NLGN3: variants seen among roughly 807,000 people sequenced by gnomAD.
The protein encoded by NLGN3 is neuroligin-3.
In NLGN3, 11 loss-of-function variants were observed where a neutral mutation model predicts 42.9. The ratio of observed to expected loss-of-function variants is 0.26; its 90% CI spans 0.16 to 0.42. NLGN3 has a LOEUF of 0.42. NLGN3 is among the 10% of genes least tolerant of loss of function. The pLI is 1.00. For synonymous variants in NLGN3, 279 were observed against 312.7 expected (o/e 0.89, Z 1.14); for missense variants, 374 against 733.8 (o/e 0.51, Z 5.67).
chrX:71,171,664 GA>G, downstream of NLGN3: 6 of 749,659 alleles, frequency 8.0e-6, no homozygotes, highest in Non-Finnish European at 7.8e-6. Context: ...TGCAGCGTCA[GA>G]CGTGGACTCC....
intron 5 of NLGN3, among the ~76,000 whole-genome samples, chrX:71,159,468 C>G (rs2092421936): frequency 8.9e-6 from 1 of 112,207 alleles, no homozygotes; most frequent in South Asian, 3.7e-4. Flanking sequence ...AACAGCACAT[C>G]TAGGGGGCAG....
downstream of NLGN3, among the ~76,000 whole-genome samples, chrX:71,171,409 C>A (rs181298646): frequency 6.4e-4 from 70 of 109,771 alleles, 2 homozygotes; most frequent in East Asian, 0.019. Flanking sequence ...AATCAGGTTG[C>A]TCTTCCCATC....
chrX:71,145,369 A>G (rs1160709990), intron 1 of NLGN3, among the ~76,000 whole-genome samples: 1 of 69,397 alleles, frequency 1.4e-5, no homozygotes. Flanking sequence ...CCCCCACCCA[A>G]TGGAGGCCTT....
chrX:71,162,113 G>C (rs1288360485), intron 5 of NLGN3, among the ~76,000 whole-genome samples: 1 of 109,416 alleles, frequency 9.1e-6, no homozygotes, highest in Non-Finnish European at 1.9e-5. Flanking sequence ...GGGGTTTTGA[G>C]GGATTTTTTT....
At chrX:71,146,648 C>A (rs982702581) in intron 1 of NLGN3, among the ~76,000 whole-genome samples, 2 of 111,215 alleles carry the variant, frequency 1.8e-5, no homozygotes, top group African/African-American at 6.6e-5. Context: ...GAATGTGGGA[C>A]TATATGAGGG....
At chrX:71,166,055 CTTTT>C (rs1008035212) in intron 6 of NLGN3, among the ~76,000 whole-genome samples, 1 of 105,738 alleles carries the variant, frequency 9.5e-6, no homozygotes, top group Admixed American at 1.0e-4. Context: ...GAATGATATC[CTTTT>C]TTTTTTTCTA....
chrX:71,169,562 G>A lies in NLGN3; in HGVS notation c.2012G>A (p.Arg671Gln), dbSNP rs756184008. 8 of 1,210,163 alleles carry A rather than the reference G, an allele frequency of 6.6e-6. No individual in the cohort carries two copies. Among genetic ancestry groups the A allele is most frequent in the Admixed American group, 2.2e-5 (1 of 45,911 alleles). The change falls in exon 8 of 8, where the codon CGG (arginine) becomes CAG (glutamine). Residue 671 changes from arginine (R) to glutamine (Q), a missense_variant. Arg to Gln is a conservative substitution (Grantham distance 43). Around this residue, in one of 6 missense-constraint regions of NLGN3, gnomAD observed 142 missense variants for 359.1 expected, o/e 0.40. Transcript: ENST00000358741. ...AATGGCAAGACCTGGAGCACCAAGC[G>A]GCCAGCCATCTCACCTGCCTACAGC... ...RPNGKTWSTK[R>Q]PAISPAYSNE...
rs727504049 is a variant in NLGN3 at position 71,169,561 on chromosome X, C to T, written c.2011C>T (p.Arg671Trp). 8.3e-7 allele frequency: 1 copy of T among 1,211,636 alleles called. No individual in the cohort carries two copies. The highest frequency in any genetic ancestry group is 1.1e-6 in the Non-Finnish European group (1 of 895,184). The change falls in exon 8 of 8, where the codon CGG becomes TGG. Residue 671 changes from arginine to tryptophan, a missense_variant. Coordinates refer to ENST00000358741, the MANE Select transcript of NLGN3 (RefSeq NM_181303.2). ...CAATGGCAAGACCTGGAGCACCAAG[C>T]GGCCAGCCATCTCACCTGCCTACAG... ...RPNGKTWSTK[R>W]PAISPAYSNE...
intron 3 of NLGN3, among the ~76,000 whole-genome samples, chrX:71,152,644 C>T (rs1266998316): frequency 8.9e-6 from 1 of 112,076 alleles, no homozygotes; most frequent in Non-Finnish European, 1.9e-5. Flanking sequence ...GAGTGTCTGG[C>T]ACATGGTGAA....
At chrX:71,156,187 A>G (rs1240481223) in intron 5 of NLGN3, among the ~76,000 whole-genome samples, 1 of 108,753 alleles carries the variant, frequency 9.2e-6, no homozygotes, top group Non-Finnish European at 1.9e-5. Context: ...ACACATATAC[A>G]CCTTAAATGT....
In NLGN3 at chrX:71,166,967, G is replaced by A. The variant is rs958214788; in HGVS notation, c.914-44G>A. On this transcript the variant is annotated intron_variant, in intron 6 of 7. Transcript: ENST00000358741. ...AAGGAATGAAGAGATTTATGGCTAT[G>A]TGTGACACGACAGATCTGACCTGGT... 5 of 1,078,420 alleles carry A rather than the reference G, an allele frequency of 4.6e-6. No homozygotes were observed. The Admixed American group carries it at 1.0e-4, about 22-fold the overall frequency. 88.9% of individuals were successfully genotyped at this position (1,078,420 alleles called of 1,213,427 possible).
In NLGN3 at chrX:71,169,739, A is replaced by T. The variant is rs775986856; in HGVS notation, c.2189A>T (p.Tyr730Phe). The change falls in exon 8 of 8, where the codon TAC becomes TTC. Residue 730 changes from tyrosine (Y) to phenylalanine (F), a missense_variant. Coordinates refer to ENST00000358741, the MANE Select transcript of NLGN3 (RefSeq NM_181303.2). ...AACGTTCTGGCCTTCGCTGCCCTCT[A>T]CTACCGTAAGGACAAACGGCGCCAG... ...FLNVLAFAAL[Y>F]YRKDKRRQEP... 4.1e-6 allele frequency: 5 copies of T among 1,209,686 alleles called. No individual in the cohort carries two copies. In the Admixed American group the frequency reaches 1.1e-4, roughly 26 times the overall value.
downstream of NLGN3, among the ~76,000 whole-genome samples, chrX:71,171,426 C>T (rs1404316700): frequency 2.7e-5 from 3 of 109,967 alleles, no homozygotes; most frequent in African/African-American, 9.9e-5. Flanking sequence ...CATCCCCCTG[C>T]CCCCAGCGCG....
chrX:71,170,785 G>A lies in NLGN3; in HGVS notation c.*688G>A, dbSNP rs1369967825. ...GGGGCTAGCACTGGATGGAGCTGGA[G>A]GGTCGTAGGGGAGAGATCTCCAACT... On this transcript the variant is annotated 3_prime_UTR_variant, in exon 8 of 8. Coordinates refer to ENST00000358741, the MANE Select transcript of NLGN3 (RefSeq NM_181303.2). The A allele has an allele frequency of 4.0e-6, 3 of 754,945 alleles. No homozygotes were observed. The highest frequency in any genetic ancestry group is 4.7e-6 in the Non-Finnish European group (3 of 640,468). 62.2% of individuals were successfully genotyped at this position (754,945 alleles called of 1,213,427 possible).
chrX:71,156,051 A>G (rs2092407546), intron 5 of NLGN3, among the ~76,000 whole-genome samples: 1 of 108,171 alleles, frequency 9.2e-6, no homozygotes, highest in African/African-American at 3.4e-5. Flanking sequence ...ACTTCTCCCC[A>G]TGTCTCTGTA....
chrX:71,168,878 AAG>A (rs1569485753), intron 7 of NLGN3, among the ~76,000 whole-genome samples: 3 of 85,111 alleles, frequency 3.5e-5, no homozygotes, highest in African/African-American at 2.4e-4. Context: ...AGAGAAAGAA[AAG>A]AAAGAGAAAG....
rs751334038 is a variant in NLGN3 at position 71,147,950 on chromosome X, C to T, written c.201C>T (p.Asp67=). 1 of 1,209,475 alleles carries T rather than the reference C, an allele frequency of 8.3e-7. No homozygotes were observed. The highest frequency in any genetic ancestry group is 1.8e-5 in the South Asian group (1 of 56,650). Residue 67 remains aspartate (D), a synonymous_variant, in exon 2 of 8, where the codon GAC becomes GAT. Transcript: ENST00000358741. ...CCAGTGAGATCCTGGGGCCTGTGGA[C>T]CAATACCTGGGGGTGCCCTACGCAG... ...PLPSEILGPV[D]QYLGVPYAAP...
chrX:71,172,694 A>G (rs749601465), downstream of NLGN3, among the ~76,000 whole-genome samples: 2 of 110,047 alleles, frequency 1.8e-5, no homozygotes, highest in South Asian at 3.9e-4. Flanking sequence ...GTAACATTCA[A>G]TGGTTGTAGG....
chrX:71,146,163 A>T (rs2092368013), intron 1 of NLGN3, among the ~76,000 whole-genome samples: 1 of 45,551 alleles, frequency 2.2e-5, no homozygotes, highest in Admixed American at 3.2e-4. Flanking sequence ...TCACACACAC[A>T]CACACACAGA....
Sources: gnomAD v4.1 joint callset for allele counts (sites outside exome capture counted in the v4.1 genomes callset) on GRCh38, gnomAD v4.1.1 for gene constraint, gnomAD v4.1.1 regional missense constraint, MANE v1.5 for transcripts, NCBI Gene and HGNC (gene_info 2026-07-23, HGNC 2026-07-21) for gene names.